SGK1: variants seen among roughly 807,000 people sequenced by gnomAD.
The protein encoded by SGK1 is serum/glucocorticoid regulated kinase 1.
Under a neutral mutation model 64.2 loss-of-function variants are expected in SGK1, and 26 were observed. The observed-to-expected ratio is 0.40, with a 90% CI of 0.30 to 0.56. The LOEUF (loss-of-function observed/expected upper bound fraction) is 0.56, where lower values mean the gene tolerates loss of function less well. SGK1 is among the 20% of genes least tolerant of loss of function. The pLI is 0.38. For synonymous variants in SGK1, 265 were observed against 239.7 expected (o/e 1.11, Z -0.98); for missense variants, 519 against 645.6 (o/e 0.80, Z 2.12).
At chr6:134,298,604 G>C (rs1393311937) in intron 1 of SGK1, 1 of 1,050,736 alleles carries the variant, frequency 9.5e-7, no homozygotes, top group Non-Finnish European at 1.5e-6. Flanking sequence ...AGCTGATGCA[G>C]GTACTGGGCC....
chr6:134,185,177 A>G (rs1417405000), intron 3 of SGK1, among the ~76,000 whole-genome samples: 2 of 152,142 alleles, frequency 1.3e-5, no homozygotes, highest in East Asian at 3.8e-4. Flanking sequence ...CATCCAACCA[A>G]CTTTCCTCAA....
At chr6:134,201,997 C>T (rs1237573297) in intron 3 of SGK1, among the ~76,000 whole-genome samples, 1 of 151,918 alleles carries the variant, frequency 6.6e-6, no homozygotes, top group Non-Finnish European at 1.5e-5. Context: ...ACTTCCTAAA[C>T]CTGAGAGATC....
At chr6:134,299,733 T>C (rs569027080) in intron 1 of SGK1, among the ~76,000 whole-genome samples, 26 of 152,124 alleles carry the variant, frequency 1.7e-4, no homozygotes, top group Non-Finnish European at 3.2e-4. Context: ...GATATGCCTG[T>C]TCATTCTAGT....
At chr6:134,197,847 A>ATAAAATAAAATTAAAT in intron 3 of SGK1, among the ~76,000 whole-genome samples, 1 of 144,648 alleles carries the variant, frequency 6.9e-6, no homozygotes. Flanking sequence ...ATAAAATAAA[A>ATAAAATAAAATTAAAT]TAAAATAAAA....
chr6:134,179,840 G>C (rs1775304902), intron 3 of SGK1, among the ~76,000 whole-genome samples: 1 of 152,168 alleles, frequency 6.6e-6, no homozygotes, highest in Non-Finnish European at 1.5e-5. Context: ...TAGGAAAATT[G>C]ACGGGAGGGT....
intron 1 of SGK1, among the ~76,000 whole-genome samples, chr6:134,264,307 G>A (rs1776815638): frequency 1.3e-5 from 2 of 151,800 alleles, no homozygotes; most frequent in Admixed American, 1.3e-4. Flanking sequence ...TTTTAGTAGA[G>A]ACCGGGTTTC....
chr6:134,229,663 C>A (rs756984958), intron 2 of SGK1, among the ~76,000 whole-genome samples: 9 of 152,184 alleles, frequency 5.9e-5, no homozygotes, highest in African/African-American at 1.9e-4. Flanking sequence ...GCTTCATTAA[C>A]CACCACCAGC....
At chr6:134,290,099 G>A (rs1313128207) in intron 1 of SGK1, among the ~76,000 whole-genome samples, 4 of 143,152 alleles carry the variant, frequency 2.8e-5, no homozygotes, top group African/African-American at 7.8e-5. Context: ...ACAGTGAGCC[G>A]AGACCACGCC....
In SGK1 at chr6:134,222,259, G is replaced by A. The variant is rs919294455; in HGVS notation, c.286-14828C>T. 7.9e-5 allele frequency among the ~76,000 whole-genome samples: 12 copies of A among 151,732 alleles called. No individual in the cohort carries two copies. In the East Asian group the frequency reaches 2.1e-3, roughly 27 times the overall value. On this transcript the variant is annotated intron_variant, in intron 2 of 13. Transcript: ENST00000367858. ...ACTTCTGACATTGCATTTCAATGCC[G>A]TTTTTTTCTTTGCATAAAGATGTAG...
At chr6:134,222,621 C>A (rs746989821) in intron 2 of SGK1, among the ~76,000 whole-genome samples, 2 of 152,164 alleles carry the variant, frequency 1.3e-5, no homozygotes, top group Non-Finnish European at 2.9e-5. Context: ...CAGGCGTGAG[C>A]CACCACACCT....
intron 3 of SGK1, among the ~76,000 whole-genome samples, chr6:134,182,493 C>T (rs1033255721): frequency 4.8e-5 from 7 of 147,040 alleles, no homozygotes; most frequent in African/African-American, 1.5e-4. Context: ...GAGACTCCGT[C>T]TAAAAAAAAA....
chr6:134,206,383 A>AT lies in SGK1; in HGVS notation c.361+972dup, dbSNP rs869072819. Among the ~76,000 whole-genome samples, 141 of 16,592 alleles carry AT rather than the reference A, an allele frequency of 8.5e-3. 6 individuals are homozygous for AT. Among genetic ancestry groups the AT allele is most frequent in the East Asian group, 0.019 (7 of 376 alleles). 10.9% of individuals were successfully genotyped at this position (16,592 alleles called of 152,430 possible). A position where few individuals can be genotyped will look rare whatever the true frequency, so the allele number is the denominator to read the frequency against. ...TATATATATATATATATATATATAT[A>AT]TTTTTTTTTTTTTTTTTTTTTTTTA... is the stretch of plus-strand genomic sequence containing the variant. On this transcript the variant is annotated intron_variant, in intron 3 of 13. Coordinates refer to ENST00000367858, the MANE Select transcript of SGK1 (RefSeq NM_001143676.3).
At chr6:134,175,790 C>T (rs1001793451) in intron 3 of SGK1, 2 of 1,330,086 alleles carry the variant, frequency 1.5e-6, no homozygotes, top group Admixed American at 3.7e-5. Context: ...ACAAATGGCC[C>T]TTGTGCACGG....
At chr6:134,171,532 A>G in intron 11 of SGK1, 105 bp downstream of exon 11, 2 of 744,308 alleles carry the variant, frequency 2.7e-6, no homozygotes, top group East Asian at 5.2e-5. Flanking sequence ...GCTGCTTTTG[A>G]TAAGCGTACT....
Position 134,265,586 on chromosome 6 carries a change from TATATAC to T in SGK1, c.70-3444_70-3439del, listed in dbSNP as rs888817365. On this transcript the variant is annotated intron_variant, in intron 1 of 13. Transcript: ENST00000367858. ...ATACATATATATTTATACATATACA[TATATAC>T]ATATACATATATATTTTATATATAT... is the stretch of plus-strand genomic sequence containing the variant. Among the ~76,000 whole-genome samples, 3 of 145,424 alleles carry T rather than the reference TATATAC, an allele frequency of 2.1e-5. No homozygotes were observed. In the Admixed American group the frequency reaches 2.1e-4, roughly 10 times the overall value.
At chr6:134,240,443 T>C (rs1165481705) in intron 2 of SGK1, among the ~76,000 whole-genome samples, 1 of 152,046 alleles carries the variant, frequency 6.6e-6, no homozygotes, top group Non-Finnish European at 1.5e-5. Flanking sequence ...AGTCTAAAAA[T>C]ATAATGTAGG....
chr6:134,220,838 C>T (rs888812072), intron 2 of SGK1, among the ~76,000 whole-genome samples: 5 of 151,404 alleles, frequency 3.3e-5, no homozygotes, highest in Non-Finnish European at 7.4e-5. Flanking sequence ...AAAAATTAGT[C>T]AGGCATGGTG....
intron 9 of SGK1, 113 bp from the exon 10 acceptor site, chr6:134,172,429 T>C: frequency 9.3e-7 from 1 of 1,073,288 alleles, no homozygotes; most frequent in Non-Finnish European, 1.4e-6. Flanking sequence ...ACTGTAGTTG[T>C]GTAGTGAAGA....
chr6:134,187,797 G>A lies in SGK1; in HGVS notation c.362-13211C>T, dbSNP rs573885677. Among the ~76,000 whole-genome samples, 135 of 152,338 alleles carry A rather than the reference G, an allele frequency of 8.9e-4. 1 individual carries two copies. The South Asian group carries it at 0.027, about 30-fold the overall frequency. On this transcript the variant is annotated intron_variant, in intron 3 of 13. Coordinates refer to ENST00000367858, the MANE Select transcript of SGK1 (RefSeq NM_001143676.3). ...GTTGTGGCAGAAGCATTGTGTTCAAGGAAGGCAAATCCATATTCAGAATAA... is the reference window on the plus strand; with the variant it reads ...GTTGTGGCAGAAGCATTGTGTTCAAAGAAGGCAAATCCATATTCAGAATAA...
Sources: allele counts gnomAD v4.1 joint callset (sites outside exome capture counted in the v4.1 genomes callset), GRCh38; gene constraint gnomAD v4.1.1; transcripts MANE v1.5; gene names NCBI Gene and HGNC (gene_info 2026-07-23, HGNC 2026-07-21).